Variants in GPR107 observed in about 807,000 individuals in gnomAD.
GPR107 encodes G protein-coupled receptor 107.
GPR107 carries 31 observed loss-of-function variants against 75.5 expected under a neutral mutation model. The ratio of observed to expected loss-of-function variants is 0.41; its 90% CI spans 0.31 to 0.55. The LOEUF is 0.55. Among genes scored for constraint, GPR107 ranks in the 20% least tolerant of loss-of-function variants. The pLI, the probability that GPR107 is intolerant of heterozygous loss-of-function variation, is 0.26. For synonymous variants in GPR107, 267 were observed against 251.3 expected (o/e 1.06, Z -0.59); for missense variants, 572 against 665.7 (o/e 0.86, Z 1.55).
intron 9 of GPR107, among the ~76,000 whole-genome samples, chr9:130,096,216 T>C (rs1457941375): frequency 1.3e-5 from 2 of 152,168 alleles, no homozygotes; most frequent in South Asian, 2.1e-4. Flanking sequence ...GTAAATCTCA[T>C]TGGCATTCAG....
chr9:130,101,613 T>C (rs1324486288), intron 12 of GPR107, among the ~76,000 whole-genome samples: 1 of 152,202 alleles, frequency 6.6e-6, no homozygotes, highest in Non-Finnish European at 1.5e-5. Context: ...ACTACACCAG[T>C]GAGTTTCCAC....
intron 14 of GPR107, among the ~76,000 whole-genome samples, chr9:130,115,290 A>G (rs959125615): frequency 6.6e-6 from 1 of 152,024 alleles, no homozygotes; most frequent in African/African-American, 2.4e-5. Context: ...TTACCCTTCT[A>G]CAGTGATTTG....
At chr9:130,087,783 G>C (rs1414981398) in intron 7 of GPR107, among the ~76,000 whole-genome samples, 2 of 137,962 alleles carry the variant, frequency 1.4e-5, no homozygotes, top group Non-Finnish European at 3.1e-5. Flanking sequence ...TGCAGCCTGG[G>C]TGACAGAGTG....
chr9:130,116,537 G>T (rs1341849414), intron 14 of GPR107, among the ~76,000 whole-genome samples: 3 of 152,226 alleles, frequency 2.0e-5, no homozygotes, highest in African/African-American at 7.2e-5. Flanking sequence ...CAGCCCAGCT[G>T]CAGGGTTGCG....
At chr9:130,114,897 C>T (rs979699687) in intron 14 of GPR107, among the ~76,000 whole-genome samples, 3 of 152,174 alleles carry the variant, frequency 2.0e-5, no homozygotes, top group African/African-American at 7.2e-5. Flanking sequence ...GCCTATTAAG[C>T]TTATTCCAGA....
Position 130,061,697 on chromosome 9 carries a change from A to G in GPR107, c.141+7624A>G, listed in dbSNP as rs537327163. Among the ~76,000 whole-genome samples the G allele has an allele frequency of 1.4e-4, 22 of 152,204 alleles. No homozygotes were observed. In the South Asian group the frequency reaches 4.6e-3, roughly 32 times the overall value. ...GGTGGCTCACGCCTGTAATCCCAGC[A>G]CTTTGAGAGGCCAAAGTGGGCAGAT... On this transcript the variant is annotated intron_variant, in intron 1 of 17. Transcript: ENST00000347136.
intron 9 of GPR107, among the ~76,000 whole-genome samples, chr9:130,098,636 C>T (rs1830937087): frequency 6.6e-6 from 1 of 152,128 alleles, no homozygotes; most frequent in African/African-American, 2.4e-5. Flanking sequence ...CTCTCAGGTT[C>T]ATTCACAACA....
intron 1 of GPR107, among the ~76,000 whole-genome samples, chr9:130,069,627 G>A (rs916737342): frequency 3.9e-5 from 6 of 152,118 alleles, no homozygotes; most frequent in Non-Finnish European, 8.8e-5. Flanking sequence ...AAATGGAGGT[G>A]GGGAACAGGT....
At chr9:130,098,141 C>CA (rs1382445271) in intron 9 of GPR107, among the ~76,000 whole-genome samples, 1 of 152,156 alleles carries the variant, frequency 6.6e-6, no homozygotes, top group Admixed American at 6.5e-5. Context: ...CCTCAGCCTC[C>CA]CTAAGTGTGG....
chr9:130,132,068 A>G (rs1397126211), intron 17 of GPR107, among the ~76,000 whole-genome samples: 1 of 151,958 alleles, frequency 6.6e-6, no homozygotes, highest in Admixed American at 6.6e-5. Flanking sequence ...ATTTTTTTGT[A>G]GAGATAGGGT....
chr9:130,108,938 G>A, intron 14 of GPR107: 16 of 281,078 alleles, frequency 5.7e-5, no homozygotes, highest in Non-Finnish European at 6.9e-5. Context: ...GCCATCATTA[G>A]AAAAACCCAA....
chr9:130,129,082 G>A (rs1426020992), intron 17 of GPR107: 1 of 200,318 alleles, frequency 5.0e-6, no homozygotes, highest in Non-Finnish European at 1.0e-5. Flanking sequence ...ACAGGGGGCC[G>A]ACTTTCTGTC....
At chr9:130,120,521 C>CA (rs1831523313) in intron 14 of GPR107, among the ~76,000 whole-genome samples, 1 of 152,224 alleles carries the variant, frequency 6.6e-6, no homozygotes, top group African/African-American at 2.4e-5. Context: ...ACCCGTCAGA[C>CA]TTTACCTTGA....
At chr9:130,086,183 G>A (rs186265558) in intron 6 of GPR107, among the ~76,000 whole-genome samples, 1 of 152,170 alleles carries the variant, frequency 6.6e-6, no homozygotes, top group African/African-American at 2.4e-5. Context: ...AAGGCAGGGG[G>A]TGGAGGTAGG....
At chr9:130,131,093 G>C (rs1831817665) in intron 17 of GPR107, among the ~76,000 whole-genome samples, 1 of 152,124 alleles carries the variant, frequency 6.6e-6, no homozygotes, top group Non-Finnish European at 1.5e-5. Context: ...CAGCTGTTCG[G>C]TCCCTTAAGT....
chr9:130,090,007 C>T (rs943270499), intron 7 of GPR107, among the ~76,000 whole-genome samples: 2 of 152,176 alleles, frequency 1.3e-5, no homozygotes, highest in Non-Finnish European at 2.9e-5. Context: ...GTTCCAGCAC[C>T]TGAGAAACCT....
intron 3 of GPR107, 26 bp from the exon 4 acceptor site, chr9:130,077,273 T>C (rs368150397): frequency 8.8e-7 from 1 of 1,141,200 alleles, no homozygotes; most frequent in Admixed American, 1.7e-5. Flanking sequence ...AATAAGATGA[T>C]GTACAATTGG....
intron 9 of GPR107, among the ~76,000 whole-genome samples, chr9:130,097,155 CTTT>C (rs71387312): frequency 7.7e-6 from 1 of 130,170 alleles, no homozygotes; most frequent in African/African-American, 2.9e-5. Context: ...TCTTTTTTTT[CTTT>C]TTTTTTTTTT....
chr9:130,124,763 C>G, intron 14 of GPR107, 152 bp from the exon 15 acceptor site: 1 of 596,604 alleles, frequency 1.7e-6, no homozygotes, highest in Non-Finnish European at 2.9e-6. Context: ...AGAGACCGCC[C>G]AGCGGACTTG....
Sources: allele counts gnomAD v4.1 joint callset (sites outside exome capture counted in the v4.1 genomes callset), GRCh38; gene constraint gnomAD v4.1.1; transcripts MANE v1.5; gene names NCBI Gene and HGNC (gene_info 2026-07-23, HGNC 2026-07-21).